The following UBR3 variants were observed in gnomAD, a reference collection of about 807,000 sequenced individuals.
The protein encoded by UBR3 is E3 ubiquitin-protein ligase UBR3.
In UBR3, 85 loss-of-function variants were observed where a neutral mutation model predicts 243.2. The ratio of observed to expected loss-of-function variants is 0.35; its 90% CI spans 0.29 to 0.42. The LOEUF (loss-of-function observed/expected upper bound fraction) is 0.42, where lower values mean the gene tolerates loss of function less well. Among genes scored for constraint, UBR3 ranks in the 10% least tolerant of loss-of-function variants. The probability of loss-of-function intolerance (pLI) is 1.00; values close to 1 mark genes in which losing one functional copy is unlikely to be tolerated. For missense variants in UBR3, 1,686 were observed against 2,300.8 expected (o/e 0.73, Z 5.47); for synonymous variants, 748 against 799.8 (o/e 0.94, Z 1.09).
intron 2 of UBR3, 66 bp downstream of exon 2, chr2:169,872,441 A>C: frequency 1.7e-6 from 2 of 1,168,582 alleles, no homozygotes; most frequent in East Asian, 2.8e-5. Context: ...TTTTAGTATT[A>C]ATTATGAGGT....
At chr2:169,880,856 A>C (rs1452097937) in intron 5 of UBR3, among the ~76,000 whole-genome samples, 2 of 152,030 alleles carry the variant, frequency 1.3e-5, no homozygotes, top group African/African-American at 4.8e-5. Flanking sequence ...GTGAGAATAT[A>C]TGGTATTTGG....
chr2:170,004,957 C>T (rs1402558525), intron 27 of UBR3, among the ~76,000 whole-genome samples: 1 of 152,238 alleles, frequency 6.6e-6, no homozygotes, highest in East Asian at 1.9e-4. Flanking sequence ...GGCATGGTGG[C>T]TCATGCCTGT....
intron 26 of UBR3, among the ~76,000 whole-genome samples, 189 bp downstream of exon 26, chr2:169,994,645 C>T (rs2089416212): frequency 6.6e-6 from 1 of 152,008 alleles, no homozygotes; most frequent in Non-Finnish European, 1.5e-5. Flanking sequence ...AAATGTGATA[C>T]CTTTGTTTTA....
intron 2 of UBR3, among the ~76,000 whole-genome samples, chr2:169,875,235 C>G (rs951711475): frequency 2.0e-5 from 3 of 152,104 alleles, no homozygotes; most frequent in Admixed American, 1.3e-4. Context: ...AGGATGTGAT[C>G]TAAACTTTTT....
chr2:169,891,113 G>A (rs775303958), intron 5 of UBR3, 52 bp from the exon 6 acceptor site: 11 of 1,376,016 alleles, frequency 8.0e-6, no homozygotes, highest in Admixed American at 4.1e-5. Flanking sequence ...TTTATAAAGT[G>A]TATCAATTTA....
chr2:170,017,916 A>G (rs1014282657), intron 30 of UBR3, among the ~76,000 whole-genome samples: 5 of 152,188 alleles, frequency 3.3e-5, no homozygotes, highest in Non-Finnish European at 7.3e-5. Flanking sequence ...TAGAACGACC[A>G]TGTGAAATAG....
At chr2:170,047,141 G>A (rs1031609875) in intron 32 of UBR3, among the ~76,000 whole-genome samples, 1 of 151,892 alleles carries the variant, frequency 6.6e-6, no homozygotes, top group Admixed American at 6.6e-5. Flanking sequence ...GACCACAGGT[G>A]CACACCACCA....
chr2:169,844,693 C>T (rs1268123698), intron 1 of UBR3, among the ~76,000 whole-genome samples: 2 of 152,006 alleles, frequency 1.3e-5, no homozygotes, highest in African/African-American at 4.8e-5. Context: ...GATGGCATTT[C>T]ACCATGTTGG....
chr2:169,861,023 C>T (rs939885980), intron 1 of UBR3, among the ~76,000 whole-genome samples: 2 of 152,154 alleles, frequency 1.3e-5, no homozygotes, highest in African/African-American at 4.8e-5. Flanking sequence ...AGGATGCATC[C>T]AGCACGGGAG....
chr2:170,031,477 C>T (rs888225604), intron 31 of UBR3, among the ~76,000 whole-genome samples: 1 of 151,938 alleles, frequency 6.6e-6, no homozygotes, highest in African/African-American at 2.4e-5. Flanking sequence ...ATGTTTTCTT[C>T]TAGTATTTCT....
chr2:169,955,272 T>G (rs2087226495), intron 23 of UBR3, among the ~76,000 whole-genome samples: 1 of 152,190 alleles, frequency 6.6e-6, no homozygotes. Flanking sequence ...TATGAGATAT[T>G]GTAATATCCC....
At chr2:170,009,825 C>T (rs1271341930) in intron 29 of UBR3, among the ~76,000 whole-genome samples, 1 of 152,020 alleles carries the variant, frequency 6.6e-6, no homozygotes, top group Non-Finnish European at 1.5e-5. Flanking sequence ...CAATTGCTAT[C>T]TTCCTTTTTC....
chr2:169,859,581 G>T (rs1157622172), intron 1 of UBR3, among the ~76,000 whole-genome samples: 1 of 151,640 alleles, frequency 6.6e-6, no homozygotes, highest in Admixed American at 6.6e-5. Context: ...TACTTTTCTA[G>T]TCTCTGTGTT....
intron 30 of UBR3, chr2:170,016,914 C>G (rs1574402429): frequency 1.3e-6 from 1 of 754,526 alleles, no homozygotes; most frequent in African/African-American, 1.9e-5. Flanking sequence ...AAAGTTTATC[C>G]TAAATGTAAG....
intron 5 of UBR3, among the ~76,000 whole-genome samples, chr2:169,888,606 C>G (rs918695554): frequency 5.3e-5 from 8 of 152,096 alleles, no homozygotes; most frequent in Non-Finnish European, 1.2e-4. Context: ...TGAATGTTAT[C>G]AATACTTAAA....
chr2:169,853,386 C>G (rs191930802), intron 1 of UBR3, among the ~76,000 whole-genome samples: 95 of 152,176 alleles, frequency 6.2e-4, no homozygotes, highest in African/African-American at 2.2e-3. Flanking sequence ...AATGCAAATA[C>G]TTTTTTTCTT....
At chr2:169,956,808 A>C (rs1431412317) in intron 23 of UBR3, among the ~76,000 whole-genome samples, 1 of 152,192 alleles carries the variant, frequency 6.6e-6, no homozygotes, top group Non-Finnish European at 1.5e-5. Flanking sequence ...TGTATGTTAT[A>C]TCCTTGAATC....
intron 24 of UBR3, among the ~76,000 whole-genome samples, chr2:169,971,865 C>G (rs1481281540): frequency 2.0e-5 from 3 of 152,064 alleles, no homozygotes; most frequent in Non-Finnish European, 2.9e-5. Flanking sequence ...ACTAGAAAAG[C>G]AAGAGCATAC....
intron 5 of UBR3, among the ~76,000 whole-genome samples, chr2:169,889,599 G>A (rs1026346304): frequency 2.0e-5 from 3 of 152,258 alleles, no homozygotes; most frequent in Admixed American, 6.5e-5. Flanking sequence ...AGCTAAGAGC[G>A]GCAGAGAGGG....
Sources: allele counts gnomAD v4.1 joint callset (sites outside exome capture counted in the v4.1 genomes callset), GRCh38; gene constraint gnomAD v4.1.1; transcripts MANE v1.5; gene names NCBI Gene and HGNC (gene_info 2026-07-23, HGNC 2026-07-21).